CHST9: variants seen among roughly 807,000 people sequenced by gnomAD.
CHST9 encodes GalNAc-4-sulfotransferase 2.
Under a neutral mutation model 44.4 loss-of-function variants are expected in CHST9, and 41 were observed. The observed-to-expected ratio is 0.92, with a 90% CI of 0.72 to 1.20. The LOEUF (loss-of-function observed/expected upper bound fraction) is 1.20, where lower values mean the gene tolerates loss of function less well. Ranked by LOEUF, CHST9 falls within the 50% of genes most tolerant of loss-of-function variation. The pLI is 0.00. For missense variants in CHST9, 504 were observed against 516.5 expected, an observed-to-expected ratio of 0.98 and a Z score of 0.23; for synonymous variants, 171 against 178.4, an observed-to-expected ratio of 0.96 and a Z score of 0.33.
At chr18:27,032,077 C>T (rs533233594) in intron 3 of CHST9, among the ~76,000 whole-genome samples, 1 of 151,260 alleles carries the variant, frequency 6.6e-6, no homozygotes, top group Admixed American at 6.6e-5. Flanking sequence ...GGTGGTCGGG[C>T]CATAGAGTTT....
At chr18:26,978,534 C>T (rs766475411) in intron 4 of CHST9, among the ~76,000 whole-genome samples, 12 of 152,268 alleles carry the variant, frequency 7.9e-5, no homozygotes, top group Admixed American at 2.6e-4. Context: ...TCTGTTCTCA[C>T]AAACACTCGT....
At position 27,096,500 on chromosome 18, in the gene CHST9, C is replaced by T. The variant is rs191849339; in HGVS notation, c.121+46189G>A. Among the ~76,000 whole-genome samples, 57 of 151,954 alleles carry T rather than the reference C, an allele frequency of 3.8e-4. 1 individual carries two copies. The highest frequency in any genetic ancestry group is 1.2e-3 in the African/African-American group (49 of 41,482). On this transcript the variant is annotated intron_variant, in intron 2 of 5. Transcript: ENST00000618847. ...GAATCAATGAAACCAAAAGTTGGTT[C>T]TCTGAAAGGATAAGCAAGATTGGTA...
chr18:27,110,092 A>C (rs915468207), intron 2 of CHST9, among the ~76,000 whole-genome samples: 1 of 151,862 alleles, frequency 6.6e-6, no homozygotes, highest in Non-Finnish European at 1.5e-5. Context: ...CTACTATAAA[A>C]GTGTAAAGAT....
intron 2 of CHST9, among the ~76,000 whole-genome samples, chr18:27,108,914 A>G (rs539843182): frequency 6.6e-6 from 1 of 152,346 alleles, no homozygotes; most frequent in South Asian, 2.1e-4. Context: ...TTAAACTAAA[A>G]TATCTTTTAA....
At chr18:27,082,891 T>C (rs1256414775) in intron 2 of CHST9, among the ~76,000 whole-genome samples, 2 of 152,158 alleles carry the variant, frequency 1.3e-5, no homozygotes, top group African/African-American at 4.8e-5. Context: ...CCTATAGCAA[T>C]CAGGAGATTT....
chr18:27,177,217 C>A (rs2058875239), intron 1 of CHST9, among the ~76,000 whole-genome samples: 1 of 151,672 alleles, frequency 6.6e-6, no homozygotes, highest in Admixed American at 6.6e-5. Context: ...CTTGAGAAAT[C>A]GATCTTTTGG....
intron 4 of CHST9, among the ~76,000 whole-genome samples, chr18:26,966,346 G>A (rs541509988): frequency 5.3e-5 from 8 of 152,102 alleles, no homozygotes; most frequent in African/African-American, 4.8e-5. Flanking sequence ...CAGCAAAAGC[G>A]AGTTAAAGCC....
Position 26,914,849 on chromosome 18 carries a change from G to A in CHST9, c.*1410C>T. 1 of 397,462 alleles carries A rather than the reference G, an allele frequency of 2.5e-6. No individual in the cohort carries two copies. Among genetic ancestry groups the A allele is most frequent in the Non-Finnish European group, 4.4e-6 (1 of 225,264 alleles). 24.6% of individuals were successfully genotyped at this position (397,462 alleles called of 1,614,324 possible). ...TAAGAAAAAAATGATAGCTTAGGAAGAGGAAGATGTTCAGGAAAAGCATTT... is the reference window on the plus strand; with the variant it reads ...TAAGAAAAAAATGATAGCTTAGGAAAAGGAAGATGTTCAGGAAAAGCATTT... On this transcript the variant is annotated 3_prime_UTR_variant, in exon 6 of 6. Transcript: ENST00000618847.
chr18:27,109,576 A>G (rs186143411), intron 2 of CHST9, among the ~76,000 whole-genome samples: 1 of 152,294 alleles, frequency 6.6e-6, no homozygotes, highest in African/African-American at 2.4e-5. Context: ...TTCAGTCCCA[A>G]TGTAGCTGCG....
intron 1 of CHST9, among the ~76,000 whole-genome samples, chr18:27,179,985 A>T (rs1055507731): frequency 2.6e-5 from 4 of 152,140 alleles, no homozygotes; most frequent in Non-Finnish European, 5.9e-5. Context: ...TTTTAGTGGA[A>T]GTATATCAAT....
chr18:27,024,009 C>T, intron 4 of CHST9, 107 bp downstream of exon 4: 1 of 1,070,472 alleles, frequency 9.3e-7, no homozygotes, highest in Non-Finnish European at 1.4e-6. Context: ...CTATCATCAG[C>T]AGAACAGGTG....
intron 4 of CHST9, among the ~76,000 whole-genome samples, chr18:27,021,328 T>G (rs777479780): frequency 6.6e-6 from 1 of 152,130 alleles, no homozygotes; most frequent in African/African-American, 2.4e-5. Flanking sequence ...ACTCACTTAC[T>G]TGACAACAAC....
intron 4 of CHST9, among the ~76,000 whole-genome samples, chr18:27,003,961 T>A (rs2056983105): frequency 6.6e-6 from 1 of 152,052 alleles, no homozygotes; most frequent in Admixed American, 6.6e-5. Flanking sequence ...ACATGTTATC[T>A]ATTACCATCA....
In CHST9 at chr18:26,933,724, G is replaced by A. The variant is rs190849007; in HGVS notation, c.240+10605C>T. 2.6e-5 allele frequency: 4 copies of A among 153,766 alleles called. No homozygotes were observed. In the East Asian group the frequency reaches 5.8e-4, roughly 22 times the overall value. The allele number at this position is 153,766 out of a possible 1,614,324, so 9.5% of individuals were successfully genotyped here. On this transcript the variant is annotated intron_variant, in intron 5 of 5. Coordinates refer to ENST00000618847, the MANE Select transcript of CHST9 (RefSeq NM_031422.6). The stretch of plus-strand genomic sequence containing the variant: ...CTGGTGTTGGGGCTAGGGGGCAAAC[G>A]ACTCTGACAAGTCTCTGTTCTCAAG...
intron 4 of CHST9, among the ~76,000 whole-genome samples, chr18:27,016,098 G>A (rs1046206020): frequency 6.6e-6 from 1 of 152,188 alleles, no homozygotes; most frequent in Non-Finnish European, 1.5e-5. Context: ...ACTTATAAAT[G>A]TAAGTTACTT....
intron 4 of CHST9, among the ~76,000 whole-genome samples, chr18:26,958,145 C>T (rs1030637852): frequency 6.6e-6 from 1 of 151,756 alleles, no homozygotes; most frequent in African/African-American, 2.4e-5. Flanking sequence ...CTTGGCCTCC[C>T]AAAGTGCTGG....
chr18:27,027,383 C>T (rs1465499295), intron 3 of CHST9, among the ~76,000 whole-genome samples: 3 of 152,124 alleles, frequency 2.0e-5, no homozygotes, highest in Non-Finnish European at 4.4e-5. Flanking sequence ...CATCAATATC[C>T]TCTTAATTTT....
intron 3 of CHST9, among the ~76,000 whole-genome samples, chr18:27,047,807 G>A (rs1008571060): frequency 6.6e-6 from 1 of 152,134 alleles, no homozygotes; most frequent in African/African-American, 2.4e-5. Context: ...TGGGCACTGT[G>A]AGCTGCAACA....
In CHST9 at chr18:27,072,119, T is replaced by C. The variant is rs530230596; in HGVS notation, c.122-23616A>G. On this transcript the variant is annotated intron_variant, in intron 2 of 5. Transcript: ENST00000618847. Reference sequence around the variant, plus strand: ...CTATAGCTGGGCTTTTGAGAGGCTGTGACTGTTTGTAGCTCTAGATCTTAA... The same window carrying C: ...CTATAGCTGGGCTTTTGAGAGGCTGCGACTGTTTGTAGCTCTAGATCTTAA... Among the ~76,000 whole-genome samples the C allele has an allele frequency of 5.9e-5, 9 of 152,302 alleles. No individual in the cohort carries two copies. In the South Asian group the frequency reaches 1.7e-3, roughly 28 times the overall value.
Sources: allele counts gnomAD v4.1 joint callset (sites outside exome capture counted in the v4.1 genomes callset), GRCh38; gene constraint gnomAD v4.1.1; transcripts MANE v1.5; gene names NCBI Gene and HGNC (gene_info 2026-07-23, HGNC 2026-07-21).